The following PNMA6E variants were observed in gnomAD, a reference collection of about 807,000 sequenced individuals.
The protein encoded by PNMA6E is paraneoplastic antigen Ma6E.
For missense variants in PNMA6E, 78 were observed against 50.8 expected, an observed-to-expected ratio of 1.53 and a Z score of -1.63; for synonymous variants, 43 against 17.1, an observed-to-expected ratio of 2.52 and a Z score of -3.74.
At chrX:153,403,818 C>G (rs1466462345), upstream of PNMA6E, 1 of 107,900 alleles carries the variant, frequency 9.3e-6, no homozygotes. Flanking sequence ...GTGGCACATG[C>G]CTGTAATCCC....
Position 153,395,731 on chromosome X carries a change from A to G in PNMA6E, c.*1175T>C, listed in dbSNP as rs1556970036. ...ATACAGAGAGAAACTGTAAACAGCC[A>G]CCACAGGACACAGGTCCCAGGCCCC... On this transcript the variant is annotated 3_prime_UTR_variant, in exon 2 of 2. Transcript: ENST00000445091. The G allele has an allele frequency of 8.9e-6, 1 of 112,666 alleles. No homozygotes were observed. Among genetic ancestry groups the G allele is most frequent in the Non-Finnish European group, 1.9e-5 (1 of 53,005 alleles). 9.3% of individuals were successfully genotyped at this position (112,666 alleles called of 1,213,427 possible). A position where few individuals can be genotyped will look rare whatever the true frequency, so the allele number is the denominator to read the frequency against.
At chrX:153,413,551 G>A in the PNMA6E span, among the ~76,000 whole-genome samples, 2 of 109,936 alleles carry the variant, frequency 1.8e-5, no homozygotes, top group African/African-American at 3.3e-5. Context: ...CACCTGAGGC[G>A]CCAAGGTCTG....
the PNMA6E span, among the ~76,000 whole-genome samples, chrX:153,411,902 C>A: frequency 2.7e-5 from 3 of 112,392 alleles, no homozygotes. Context: ...GAAGAGCCAT[C>A]CAGGGCTGGG....
the PNMA6E span, among the ~76,000 whole-genome samples, chrX:153,410,310 C>G: frequency 8.9e-6 from 1 of 111,939 alleles, no homozygotes; most frequent in Admixed American, 9.4e-5. Context: ...ATATAAGGCC[C>G]TGATCACAGT....
chrX:153,409,830 C>A, the PNMA6E span, among the ~76,000 whole-genome samples: 788 of 112,294 alleles, frequency 7.0e-3, 11 homozygotes, highest in African/African-American at 0.024. Flanking sequence ...CGCTCACACT[C>A]TCTGGAAATG....
chrX:153,405,097 A>T (rs1469922278), upstream of PNMA6E, among the ~76,000 whole-genome samples: 2 of 112,732 alleles, frequency 1.8e-5, no homozygotes, highest in Non-Finnish European at 3.7e-5. Flanking sequence ...GGCCAACACT[A>T]TGGCAAGTTT....
the PNMA6E span, among the ~76,000 whole-genome samples, chrX:153,408,341 C>T: frequency 2.7e-5 from 3 of 112,378 alleles, no homozygotes; most frequent in African/African-American, 6.5e-5. Flanking sequence ...AAGGCCAAGA[C>T]AGCCTGCCCT....
intron 1 of PNMA6E, 94 bp downstream of exon 1, chrX:153,401,150 C>G (rs1197717098): frequency 3.7e-5 from 4 of 107,268 alleles, no homozygotes; most frequent in African/African-American, 6.8e-5. Flanking sequence ...CGCCTGCCCC[C>G]CCCCCACACC....
At chrX:153,399,603 C>T (rs2088835561) in intron 1 of PNMA6E, among the ~76,000 whole-genome samples, 1 of 111,715 alleles carries the variant, frequency 9.0e-6, no homozygotes, top group East Asian at 2.8e-4. Flanking sequence ...CCGCCTCAGC[C>T]TCTCAAAGTG....
chrX:153,406,783 G>A, the PNMA6E span, among the ~76,000 whole-genome samples: 1 of 112,780 alleles, frequency 8.9e-6, no homozygotes, highest in African/African-American at 3.2e-5. Flanking sequence ...CAGAGTGGAT[G>A]CAGTAAGACT....
chrX:153,404,590 C>T (rs1163986478), upstream of PNMA6E, among the ~76,000 whole-genome samples: 2 of 112,094 alleles, frequency 1.8e-5, no homozygotes, highest in Non-Finnish European at 3.8e-5. Flanking sequence ...TGTTGGGTAT[C>T]AACTGCAATC....
the PNMA6E span, among the ~76,000 whole-genome samples, chrX:153,408,677 C>T: frequency 2.7e-5 from 3 of 111,825 alleles, no homozygotes; most frequent in African/African-American, 9.8e-5. Flanking sequence ...GGCAGGGGGG[C>T]GGAGGCAGGA....
chrX:153,396,941 C>T lies in PNMA6E; in HGVS notation c.1909G>A (p.Asp637Asn). The T allele has an allele frequency of 6.7e-6, 2 of 297,809 alleles. No individual in the cohort carries two copies. The highest frequency in any genetic ancestry group is 2.0e-4 in the South Asian group (1 of 5,074). 24.5% of individuals were successfully genotyped at this position (297,809 alleles called of 1,213,427 possible). ...TGGGAGGACTTGGGCTGGCCCTCGT[C>T]CCCGGCCCCATCCTCATCCTCGTTT... Reference protein sequence around the residue: ...PENEDEDGAGDEGQPKSSQGK With the variant: ...PENEDEDGAGNEGQPKSSQGK Residue 637 changes from aspartate (D) to asparagine (N), a missense_variant, in exon 2 of 2, where the codon GAC becomes AAC. Coordinates refer to ENST00000445091, the MANE Select transcript of PNMA6E (RefSeq NM_001367770.1).
chrX:153,398,275 G>A lies in PNMA6E; in HGVS notation c.575C>T (p.Ala192Val), dbSNP rs1183360467. ...GEAGAAGEGG[A>V]AGEAGGAGEA... ...ACCTGCGCCTCCTGCCTCACCTGCT[G>A]CTCCTCCCTCACCTGCTGCTCCTGC... is the stretch of plus-strand genomic sequence containing the variant. The change falls in exon 2 of 2, where the codon GCA (alanine) becomes GTA (valine). Residue 192 changes from alanine to valine, a missense_variant. By Grantham distance (64) the Ala-to-Val change is moderately conservative (BLOSUM62 0). Transcript: ENST00000445091. The A allele has an allele frequency of 2.5e-6, 1 of 406,750 alleles. No individual in the cohort carries two copies. Among genetic ancestry groups the A allele is most frequent in the Non-Finnish European group, 4.2e-6 (1 of 238,982 alleles). 33.5% of individuals were successfully genotyped at this position (406,750 alleles called of 1,213,427 possible).
the PNMA6E span, among the ~76,000 whole-genome samples, chrX:153,408,426 C>T: frequency 5.3e-5 from 6 of 112,590 alleles, no homozygotes; most frequent in Non-Finnish European, 1.1e-4. Flanking sequence ...CTGAGGGTCC[C>T]ATCAATCCTC....
the PNMA6E span, among the ~76,000 whole-genome samples, chrX:153,408,103 T>G: frequency 1.8e-5 from 2 of 112,441 alleles, no homozygotes; most frequent in Non-Finnish European, 3.8e-5. Flanking sequence ...ACAGTTGTGA[T>G]CAGACTGGGA....
the PNMA6E span, among the ~76,000 whole-genome samples, chrX:153,406,712 C>T: frequency 7.1e-5 from 8 of 112,760 alleles, no homozygotes; most frequent in East Asian, 8.3e-4. Context: ...GTGAGTGACA[C>T]GAACTCATTG....
In PNMA6E at chrX:153,400,682, C is replaced by T. The variant is rs1008669666; in HGVS notation, c.-72+562G>A. Among the ~76,000 whole-genome samples the T allele has an allele frequency of 2.7e-5, 3 of 109,645 alleles. No individual in the cohort carries two copies. The Admixed American group carries it at 2.9e-4, about 10-fold the overall frequency. ...TGCCCTCACCCACCCAGCCCTAGGA[C>T]CTGACCACGGCACCCGCCAGGGGCC... is the stretch of plus-strand genomic sequence containing the variant. On this transcript the variant is annotated intron_variant, in intron 1 of 1. Coordinates refer to ENST00000445091, the MANE Select transcript of PNMA6E (RefSeq NM_001367770.1).
At chrX:153,405,471 C>A (rs782178415), upstream of PNMA6E, among the ~76,000 whole-genome samples, 1 of 110,867 alleles carries the variant, frequency 9.0e-6, no homozygotes, top group Non-Finnish European at 1.9e-5. Flanking sequence ...GAGAAGGCAG[C>A]GTGTGTCTTG....
Sources: allele counts gnomAD v4.1 joint callset (sites outside exome capture counted in the v4.1 genomes callset), GRCh38; gene constraint gnomAD v4.1.1; transcripts MANE v1.5; gene names NCBI Gene and HGNC (gene_info 2026-07-23, HGNC 2026-07-21).